Variants in SSC5D observed in about 807,000 individuals in gnomAD.
SSC5D encodes the protein scavenger receptor cysteine rich family member with 5 domains.
Under a neutral mutation model 104.6 loss-of-function variants are expected in SSC5D, and 106 were observed. That is an observed-to-expected ratio of 1.01 (90% CI 0.87 to 1.19). The LOEUF (loss-of-function observed/expected upper bound fraction) is 1.19. Among genes scored for constraint, SSC5D ranks in the 50% most tolerant of loss-of-function variants. SSC5D has a pLI of 0.00. For synonymous variants in SSC5D, 860 were observed against 883.5 expected, an observed-to-expected ratio of 0.97 and a Z score of 0.47; for missense variants, 1,993 against 2,153.8, an observed-to-expected ratio of 0.93 and a Z score of 1.48.
In SSC5D at chr19:55,501,148, C is replaced by T. The variant is rs1568480276; in HGVS notation, c.2732C>T (p.Thr911Ile). 2 of 1,548,994 alleles carry T rather than the reference C, an allele frequency of 1.3e-6. No homozygotes were observed. ...CCTGGACACACTCTCCCCTGGAGGA[C>T]CACCCGGCGCCCGGGTAGCTCCTCC... ...GVPGHTLPWRTTRRPGSSSPA... is the reference protein window; with the variant it reads ...GVPGHTLPWRITRRPGSSSPA... Residue 911 changes from threonine (T) to isoleucine (I), a missense_variant, in exon 12 of 14, where the codon ACC becomes ATC. By Grantham distance (89) the Thr-to-Ile change is moderately conservative. Coordinates refer to ENST00000389623, the MANE Select transcript of SSC5D (RefSeq NM_001144950.2).
At position 55,501,080 on chromosome 19, in the gene SSC5D, C is replaced by T. The variant is rs1010728205; in HGVS notation, c.2664C>T (p.Thr888=). The stretch of plus-strand genomic sequence containing the variant: ...ATCCCCCCTGGACCTGGGACCCCAC[C>T]TCAAGAGAGGACCTGGCCAAGGGGA... ...DDYPPWTWDP[T]SREDLAKGTT... Residue 888 remains threonine (T), a synonymous_variant, in exon 12 of 14, where the codon ACC becomes ACT. Transcript: ENST00000389623. 38 of 1,551,692 alleles carry T rather than the reference C, an allele frequency of 2.4e-5. No homozygotes were observed. Among genetic ancestry groups the T allele is most frequent in the Non-Finnish European group, 3.1e-5 (36 of 1,147,002 alleles).
At chr19:55,513,207 G>A in intron 13 of SSC5D, 35 bp downstream of exon 13, 7 of 1,456,480 alleles carry the variant, frequency 4.8e-6, no homozygotes, top group Non-Finnish European at 6.4e-6. Context: ...AGACTGGGAC[G>A]GTATTTGTCC....
In SSC5D at chr19:55,498,303, T is replaced by C. The variant is rs1227298673; in HGVS notation, c.1705+106T>C. The C allele has an allele frequency of 5.0e-6, 6 of 1,209,748 alleles. No homozygotes were observed. The Admixed American group carries it at 8.9e-5, about 18-fold the overall frequency. 74.9% of individuals were successfully genotyped at this position (1,209,748 alleles called of 1,614,324 possible). On this transcript the variant is annotated intron_variant, in intron 9 of 13. Transcript: ENST00000389623. ...TTGAGTGCTTCCTAAGCCCCAGCCC[T>C]GTGCTGGGTGTTTTTGCACATATAA...
At position 55,489,506 on chromosome 19, in the gene SSC5D, GC is replaced by G; in HGVS notation, c.209del (p.Pro70ArgfsTer78). 1.4e-6 allele frequency: 2 copies of G among 1,466,178 alleles called. No homozygotes were observed. The highest frequency in any genetic ancestry group is 1.8e-6 in the Non-Finnish European group (2 of 1,115,488). 90.8% of individuals were successfully genotyped at this position (1,466,178 alleles called of 1,614,324 possible). On this transcript the variant is annotated frameshift_variant, in exon 3 of 14. Coordinates refer to ENST00000389623, the MANE Select transcript of SSC5D (RefSeq NM_001144950.2). LOFTEE classifies it high-confidence loss of function. ...RQLGCGGALA[A>X]PGGAFFGEGA... ...GCTGGGCTGCGGAGGGGCACTGGCC[GC>G]CCCGGGAGGCGCCTTCTTCGGGGAG...
Position 55,503,872 on chromosome 19 carries a change from G to A in SSC5D, c.2785+2671G>A, listed in dbSNP as rs982196141. On this transcript the variant is annotated intron_variant, in intron 12 of 13. Transcript: ENST00000389623. This position sits in a 1 kb window ranked among gnomAD's most constrained non-coding sequence, Gnocchi z 4.0. ...GCGCAGGCGCGGTGGGCCCGGGAAT[G>A]GAGGGACGGGATGGGGCAGGCGTTC... is the stretch of plus-strand genomic sequence containing the variant. Among the ~76,000 whole-genome samples, 5 of 152,276 alleles carry A rather than the reference G, an allele frequency of 3.3e-5. No homozygotes were observed. In the East Asian group the frequency reaches 5.8e-4, roughly 18 times the overall value.
chr19:55,495,402 A>T (rs1037633899), intron 8 of SSC5D, among the ~76,000 whole-genome samples: 10 of 135,448 alleles, frequency 7.4e-5, no homozygotes, highest in Non-Finnish European at 3.2e-5. Flanking sequence ...AATTTTTTGT[A>T]TTTTTTTTTT....
At chr19:55,499,183 G>T (rs1235339410) in intron 9 of SSC5D, among the ~76,000 whole-genome samples, 2 of 152,224 alleles carry the variant, frequency 1.3e-5, no homozygotes, top group Non-Finnish European at 2.9e-5. Flanking sequence ...ATCAGGCAAG[G>T]TGTTCCAAAG....
chr19:55,495,663 G>T (rs1445500874), intron 8 of SSC5D, among the ~76,000 whole-genome samples: 7 of 152,092 alleles, frequency 4.6e-5, no homozygotes, highest in African/African-American at 1.4e-4. Flanking sequence ...CAAGAGGATG[G>T]CGTGCCACAC....
At chr19:55,508,160 C>G (rs12461038) in intron 12 of SSC5D, among the ~76,000 whole-genome samples, 4 of 151,764 alleles carry the variant, frequency 2.6e-5, no homozygotes, top group African/African-American at 9.7e-5. Flanking sequence ...TATAACTTAG[C>G]GAGATGGAAT....
chr19:55,508,401 C>T (rs753179593), intron 12 of SSC5D, among the ~76,000 whole-genome samples: 18 of 152,126 alleles, frequency 1.2e-4, no homozygotes, highest in Non-Finnish European at 2.4e-4. Flanking sequence ...GCGTGCTCTC[C>T]ATGGGCCAGG....
rs1436647238 is a variant in SSC5D at position 55,518,508 on chromosome 19, A to G, written c.4232A>G (p.Lys1411Arg). 2 of 1,551,062 alleles carry G rather than the reference A, an allele frequency of 1.3e-6. No individual in the cohort carries two copies. The highest frequency in any genetic ancestry group is 2.7e-5 in the African/African-American group (2 of 72,880). ...GACCCACTGTCCACTGAGGACTTCA[A>G]GCCACCCAGAAGCCAGAGCCCCAAC... Reference protein sequence around the residue: ...SMDPLSTEDFKPPRSQSPNLT... With the variant: ...SMDPLSTEDFRPPRSQSPNLT... Residue 1411 changes from lysine (K) to arginine (R), a missense_variant, in exon 14 of 14, where the codon AAG (lysine) becomes AGG (arginine). Transcript: ENST00000389623.
chr19:55,513,611 C>T (rs562695705), intron 13 of SSC5D, among the ~76,000 whole-genome samples: 4 of 152,244 alleles, frequency 2.6e-5, no homozygotes, highest in African/African-American at 9.6e-5. Flanking sequence ...TTATCTAGAC[C>T]GCTGGTCATC....
intron 4 of SSC5D, 110 bp downstream of exon 4, chr19:55,490,105 C>CG: frequency 2.3e-6 from 1 of 435,344 alleles, no homozygotes; most frequent in Non-Finnish European, 3.7e-6. Context: ...CTCCTGCCCC[C>CG]ACCGAGGGGA....
intron 4 of SSC5D, 128 bp downstream of exon 4, chr19:55,490,123 C>T (rs914993909): frequency 1.5e-6 from 1 of 647,870 alleles, no homozygotes; most frequent in Non-Finnish European, 2.7e-6. Flanking sequence ...GGAGAGGGAC[C>T]TCTGCAGTAT....
rs1299560868 is a variant in SSC5D at position 55,499,968 on chromosome 19, GC to G, written c.1862del (p.Pro621GlnfsTer12). 3 of 1,551,770 alleles carry G rather than the reference GC, an allele frequency of 1.9e-6. No homozygotes were observed. The highest frequency in any genetic ancestry group is 2.6e-6 in the Non-Finnish European group (3 of 1,147,060). On this transcript the variant is annotated frameshift_variant, in exon 10 of 14. Transcript: ENST00000389623. LOFTEE classifies it high-confidence loss of function. ...ASVLEKTTTK[A>X]PGKMPKSTKK... is the part of the protein sequence containing the mutation. Reference sequence around the variant, plus strand: ...TGTTCTGGAGAAAACAACCACGAAGGCCCCAGGGAAAATGCCTAAGAGTACT... The same window carrying G: ...TGTTCTGGAGAAAACAACCACGAAGGCCCAGGGAAAATGCCTAAGAGTACT...
In SSC5D at chr19:55,501,104, G is replaced by A; in HGVS notation, c.2688G>A (p.Gly896=). 1 of 1,551,706 alleles carries A rather than the reference G, an allele frequency of 6.4e-7. No homozygotes were observed. The highest frequency in any genetic ancestry group is 1.2e-5 in the South Asian group (1 of 84,046). ...DPTSREDLAK[G]TTTAGVPGHT... ...CCTCAAGAGAGGACCTGGCCAAGGG[G>A]ACTACCACAGCGGGGGTACCTGGAC... Residue 896 remains glycine, a synonymous_variant, in exon 12 of 14, where the codon GGG becomes GGA. Coordinates refer to ENST00000389623, the MANE Select transcript of SSC5D (RefSeq NM_001144950.2).
chr19:55,515,859 G>C (rs374475222), intron 13 of SSC5D, among the ~76,000 whole-genome samples: 2 of 152,182 alleles, frequency 1.3e-5, no homozygotes, highest in Admixed American at 1.3e-4. Context: ...AGATCACAGC[G>C]CATTCCCATC....
In SSC5D at chr19:55,488,997, CCCTT is replaced by C. The variant is rs1378648400; in HGVS notation, c.26-6_26-3del. On this transcript the variant is annotated splice_polypyrimidine_tract_variant and splice_region_variant and intron_variant, in intron 1 of 13. Transcript: ENST00000389623. ...CTCACACTGCCCCACCCTCCGCCCT[CCCTT>C]CCAGCGGCCCTGGTGGGGATCCAGG... is the stretch of plus-strand genomic sequence containing the variant. 5.5e-6 allele frequency: 8 copies of C among 1,455,440 alleles called. No individual in the cohort carries two copies. In the African/African-American group the frequency reaches 1.4e-4, roughly 25 times the overall value. 90.2% of individuals were successfully genotyped at this position (1,455,440 alleles called of 1,614,324 possible). A position where few individuals can be genotyped will look rare whatever the true frequency, so the allele number is the denominator to read the frequency against.
intron 6 of SSC5D, chr19:55,491,381 A>G: frequency 2.7e-6 from 1 of 376,954 alleles, no homozygotes; most frequent in East Asian, 5.1e-5. Context: ...TGGAGCTAAG[A>G]ATGCCTGCCT....
Sources: gnomAD v4.1 joint callset for allele counts (sites outside exome capture counted in the v4.1 genomes callset) on GRCh38, gnomAD v4.1.1 for gene constraint, Gnocchi (gnomAD v3.1) non-coding constraint, MANE v1.5 for transcripts, NCBI Gene and HGNC (gene_info 2026-07-23, HGNC 2026-07-21) for gene names.